The following BACH2 variants were observed in gnomAD, a reference collection of about 807,000 sequenced individuals.
BACH2 encodes BACH transcriptional regulator 2, also known as transcription regulator protein BACH2.
A neutral mutation model predicts 61.8 loss-of-function variants in BACH2; 5 were observed. The ratio of observed to expected loss-of-function variants is 0.08; its 90% CI spans 0.04 to 0.17. BACH2 has a LOEUF of 0.17. BACH2 is among the 10% of genes least tolerant of loss of function. The pLI is 1.00. For synonymous variants in BACH2, 446 were observed against 440.1 expected (o/e 1.01, Z -0.17); for missense variants, 824 against 1,091.1 (o/e 0.76, Z 3.45).
At chr6:90,168,880 A>G (rs763702901) in intron 4 of BACH2, among the ~76,000 whole-genome samples, 2 of 152,210 alleles carry the variant, frequency 1.3e-5, no homozygotes, top group South Asian at 2.1e-4. Context: ...CATGTGATAC[A>G]CTTTTTATCA....
chr6:90,071,095 A>G (rs543096425), intron 5 of BACH2, among the ~76,000 whole-genome samples: 1 of 152,142 alleles, frequency 6.6e-6, no homozygotes, highest in East Asian at 1.9e-4. Context: ...AAGCAATCCC[A>G]CCGTCTTGGC....
intron 3 of BACH2, among the ~76,000 whole-genome samples, chr6:90,222,214 T>G (rs537938175): frequency 2.6e-5 from 4 of 152,218 alleles, no homozygotes; most frequent in African/African-American, 4.8e-5. Flanking sequence ...TAGTGACTAT[T>G]ATATTTGGAA....
rs397886318 is a variant in BACH2, at chr6:90,243,046, A to ATT, written c.-275+9465_-275+9466dup. ...AGGGATACACCACCATGCCCGGCTA[A>ATT]TTTTTTTTTTTTTTTTTTTTTTTTT... On this transcript the variant is annotated intron_variant, in intron 3 of 8. Transcript: ENST00000257749. 7.3e-3 allele frequency among the ~76,000 whole-genome samples: 742 copies of ATT among 101,246 alleles called. 35 individuals carry two copies. The highest frequency in any genetic ancestry group is 0.011 in the Non-Finnish European group (562 of 48,924). 66.4% of individuals were successfully genotyped at this position (101,246 alleles called of 152,430 possible). A position where few individuals can be genotyped will look rare whatever the true frequency, so the allele number is the denominator to read the frequency against.
chr6:90,216,581 CTCAAAAG>C (rs2127853949), intron 3 of BACH2, among the ~76,000 whole-genome samples: 1 of 152,322 alleles, frequency 6.6e-6, no homozygotes, highest in African/African-American at 2.4e-5. Flanking sequence ...CATAACCATA[CTCAAAAG>C]TACTCTTGCC....
intron 6 of BACH2, among the ~76,000 whole-genome samples, chr6:89,980,315 T>C (rs1368834054): frequency 6.6e-6 from 1 of 151,948 alleles, no homozygotes; most frequent in African/African-American, 2.4e-5. Flanking sequence ...AAAATCTGTT[T>C]TAGGGGACGA....
chr6:90,110,255 A>G (rs576598561), intron 4 of BACH2, among the ~76,000 whole-genome samples: 1 of 152,360 alleles, frequency 6.6e-6, no homozygotes, highest in Non-Finnish European at 1.5e-5. Context: ...TACACCAGAA[A>G]TCAACAAGTG....
intron 5 of BACH2, among the ~76,000 whole-genome samples, chr6:90,082,640 G>A (rs1181915650): frequency 1.3e-5 from 2 of 152,102 alleles, no homozygotes; most frequent in African/African-American, 4.8e-5. Context: ...GTTATATTTG[G>A]GCAGCCAGAT....
rs144948720 is a variant in BACH2 at position 90,115,190 on chromosome 6, C to T, written c.-161-26081G>A. ...AAATTATTTTAAAATTTATGTGGAA[C>T]GAAAAAAGAGCCCAAATAGCCAATG... On this transcript the variant is annotated intron_variant, in intron 4 of 8. Transcript: ENST00000257749. 2.1e-3 allele frequency among the ~76,000 whole-genome samples: 326 copies of T among 152,002 alleles called. 1 individual carries two copies. The highest frequency in any genetic ancestry group is 7.2e-3 in the African/African-American group (300 of 41,474).
chr6:90,165,102 T>C (rs1767562922), intron 4 of BACH2, among the ~76,000 whole-genome samples: 1 of 152,118 alleles, frequency 6.6e-6, no homozygotes, highest in South Asian at 2.1e-4. Flanking sequence ...GGTATTCAAT[T>C]AGGAAAAGAG....
intron 4 of BACH2, among the ~76,000 whole-genome samples, chr6:90,132,165 T>A (rs976074907): frequency 6.6e-6 from 1 of 152,204 alleles, no homozygotes; most frequent in East Asian, 1.9e-4. Context: ...TAGAGACTCA[T>A]CCAAAGAGTG....
chr6:90,149,123 G>C (rs893208498), intron 4 of BACH2, among the ~76,000 whole-genome samples: 2 of 152,204 alleles, frequency 1.3e-5, no homozygotes, highest in African/African-American at 2.4e-5. Flanking sequence ...TGTATGATTT[G>C]AGAGTGTGAG....
intron 3 of BACH2, among the ~76,000 whole-genome samples, chr6:90,213,370 T>C (rs1307714766): frequency 2.0e-5 from 3 of 152,238 alleles, no homozygotes; most frequent in Non-Finnish European, 2.9e-5. Flanking sequence ...TTGGGTCTGG[T>C]TGGCTAGTTT....
At chr6:90,262,860 A>T (rs574309289) in intron 2 of BACH2, among the ~76,000 whole-genome samples, 3 of 152,360 alleles carry the variant, frequency 2.0e-5, no homozygotes, top group African/African-American at 7.2e-5. Context: ...CATTTCACAC[A>T]GAACTTTCTA....
chr6:90,150,791 T>A (rs548800902), intron 4 of BACH2, among the ~76,000 whole-genome samples: 1 of 152,146 alleles, frequency 6.6e-6, no homozygotes, highest in Non-Finnish European at 1.5e-5. Context: ...GCATGGTCAA[T>A]GGCTGGGAGT....
At chr6:90,291,766 GC>G (rs979537449) in intron 1 of BACH2, among the ~76,000 whole-genome samples, 4 of 152,114 alleles carry the variant, frequency 2.6e-5, no homozygotes, top group Non-Finnish European at 4.4e-5. Context: ...GTCATATATT[GC>G]TATTAACAAT....
chr6:90,184,387 A>T (rs1354185473), intron 4 of BACH2, among the ~76,000 whole-genome samples: 1 of 152,206 alleles, frequency 6.6e-6, no homozygotes, highest in Non-Finnish European at 1.5e-5. Context: ...GGAGAAAAAA[A>T]GGTAAGAGCT....
rs566065810 is a variant in BACH2, at chr6:90,281,748, A to G, written c.-445-9807T>C. Among the ~76,000 whole-genome samples, 10 of 152,270 alleles carry G rather than the reference A, an allele frequency of 6.6e-5. No individual in the cohort carries two copies. The South Asian group carries it at 2.1e-3, about 32-fold the overall frequency. On this transcript the variant is annotated intron_variant, in intron 1 of 8. Transcript: ENST00000257749. ...TTTGATGCACTTTTATTTGTTTAAC[A>G]AACACATATAGAATGTATTGTCTGC...
In BACH2 at chr6:90,011,520, T is replaced by A. The variant is rs575316456; in HGVS notation, c.-12-2664A>T. 3.3e-5 allele frequency among the ~76,000 whole-genome samples: 5 copies of A among 152,330 alleles called. No homozygotes were observed. The South Asian group carries it at 1.0e-3, about 32-fold the overall frequency. On this transcript the variant is annotated intron_variant, in intron 5 of 8. Coordinates refer to ENST00000257749, the MANE Select transcript of BACH2 (RefSeq NM_021813.4). ...TGGACTCTGTCTTTTACTATTTTTA[T>A]GTTTGTCTACTTTTGTTTTGTTTTG... is the stretch of plus-strand genomic sequence containing the variant.
chr6:90,109,399 GCTC>G (rs1189864212), intron 4 of BACH2, among the ~76,000 whole-genome samples: 1 of 151,948 alleles, frequency 6.6e-6, no homozygotes, highest in Non-Finnish European at 1.5e-5. Flanking sequence ...GTCCTCCTCT[GCTC>G]CTCCTCCTCT....
Sources: gnomAD v4.1 joint callset for allele counts (sites outside exome capture counted in the v4.1 genomes callset) on GRCh38, gnomAD v4.1.1 for gene constraint, MANE v1.5 for transcripts, NCBI Gene and HGNC (gene_info 2026-07-23, HGNC 2026-07-21) for gene names.